SALL3: variants seen among roughly 807,000 people sequenced by gnomAD.
The protein encoded by SALL3 is sal-like protein 3.
A neutral mutation model predicts 66.2 loss-of-function variants in SALL3; 25 were observed. The observed-to-expected ratio is 0.38, with a 90% CI of 0.28 to 0.53. The LOEUF (loss-of-function observed/expected upper bound fraction) is 0.53, where lower values mean the gene tolerates loss of function less well. Among genes scored for constraint, SALL3 ranks in the 20% least tolerant of loss-of-function variants. The pLI is 0.85. For synonymous variants in SALL3, 1,152 were observed against 899.1 expected (o/e 1.28, Z -5.03); for missense variants, 2,194 against 1,916.5 (o/e 1.14, Z -2.70).
At position 78,994,718 on chromosome 18, in the gene SALL3, C is replaced by T; in HGVS notation, c.2727C>T (p.Pro909=). Residue 909 remains proline, a synonymous_variant, in exon 2 of 3, where the codon CCC becomes CCT. Transcript: ENST00000537592. ...CCTCGCAGGCCCTGTCGCCGGCCCC[C>T]AGCAATGGTGAGAGCTTCCGCTCCA... ...SSSSQALSPA[P]SNGESFRSKS... 6.2e-7 allele frequency: 1 copy of T among 1,604,270 alleles called. No individual in the cohort carries two copies. Among genetic ancestry groups the T allele is most frequent in the Non-Finnish European group, 8.5e-7 (1 of 1,179,334 alleles).
At chr18:78,986,795 A>C (rs1914261047) in intron 1 of SALL3, among the ~76,000 whole-genome samples, 1 of 152,236 alleles carries the variant, frequency 6.6e-6, no homozygotes, top group African/African-American at 2.4e-5. Flanking sequence ...AACATGCAGC[A>C]AAAGTGTATT....
Position 78,992,960 on chromosome 18 carries a change from C to A in SALL3, c.969C>A (p.Pro323=), listed in dbSNP as rs1384421628. The change falls in exon 2 of 3, where the codon CCC becomes CCA. Residue 323 remains proline, a synonymous_variant. Coordinates refer to ENST00000537592, the MANE Select transcript of SALL3 (RefSeq NM_171999.4). ...GCGCCGCCCCTGCCCCCGCTGCCCCCGCCCCGGCGCCAGCGCCGCAGAGCG... is the reference window on the plus strand; with the variant it reads ...GCGCCGCCCCTGCCCCCGCTGCCCCAGCCCCGGCGCCAGCGCCGCAGAGCG... The part of the protein sequence containing the change: ...APSAAPAPAA[P]APAPAPQSAA... 5 of 1,181,752 alleles carry A rather than the reference C, an allele frequency of 4.2e-6. No homozygotes were observed. The highest frequency in any genetic ancestry group is 5.2e-6 in the Non-Finnish European group (5 of 956,776). The allele number at this position is 1,181,752 out of a possible 1,614,324, so 73.2% of individuals were successfully genotyped here.
In SALL3 at chr18:78,980,267, C is replaced by G; in HGVS notation, c.-8C>G. 1 of 1,340,284 alleles carries G rather than the reference C, an allele frequency of 7.5e-7. No homozygotes were observed. The allele number at this position is 1,340,284 out of a possible 1,614,324, so 83.0% of individuals were successfully genotyped here. On this transcript the variant is annotated 5_prime_UTR_variant, in exon 1 of 3. Transcript: ENST00000537592. ...TGCCCCGCGCGGGGCCCGAGCGCCG[C>G]TAGCAGCATGTCTCGGCGCAAGCAG...
At position 78,992,482 on chromosome 18, in the gene SALL3, C is replaced by T; in HGVS notation, c.491C>T (p.Thr164Ile). ...PPTPAYGAPS[T>I]NVTLEALLST... Reference sequence around the variant, plus strand: ...ACGCCCGCCTACGGCGCGCCCAGCACCAACGTGACCCTGGAGGCGCTGCTG... The same window carrying T: ...ACGCCCGCCTACGGCGCGCCCAGCATCAACGTGACCCTGGAGGCGCTGCTG... Residue 164 changes from threonine to isoleucine, a missense_variant, in exon 2 of 3, where the codon ACC (threonine) becomes ATC (isoleucine). Thr to Ile is a moderately conservative substitution (Grantham distance 89). Transcript: ENST00000537592. The T allele has an allele frequency of 2.1e-6, 3 of 1,462,452 alleles. No homozygotes were observed. The highest frequency in any genetic ancestry group is 2.7e-6 in the Non-Finnish European group (3 of 1,110,910). 90.6% of individuals were successfully genotyped at this position (1,462,452 alleles called of 1,614,324 possible). A position where few individuals can be genotyped will look rare whatever the true frequency, so the allele number is the denominator to read the frequency against.
chr18:78,980,682 C>CCGCCG (rs1022068183), intron 1 of SALL3, among the ~76,000 whole-genome samples: 1 of 151,174 alleles, frequency 6.6e-6, no homozygotes, highest in Non-Finnish European at 1.5e-5. Flanking sequence ...GGTGCCTCCG[C>CCGCCG]CGCCGCGCCG....
intron 1 of SALL3, among the ~76,000 whole-genome samples, chr18:78,989,188 G>T (rs1914344986): frequency 6.6e-6 from 1 of 152,164 alleles, no homozygotes; most frequent in African/African-American, 2.4e-5. Context: ...TCGAGAAACA[G>T]TTGCAATTTA....
rs1914583402 is a variant in SALL3, at chr18:78,994,043, C to T, written c.2052C>T (p.Cys684=). ...KMTDPNQCVI[C]HRVLSCQSAL... ...CGGACCCGAACCAGTGCGTCATCTG[C>T]CACCGGGTGCTGAGCTGCCAGAGCG... The change falls in exon 2 of 3, where the codon TGC becomes TGT. Residue 684 remains cysteine (C), a synonymous_variant. Coordinates refer to ENST00000537592, the MANE Select transcript of SALL3 (RefSeq NM_171999.4). 2.5e-6 allele frequency: 4 copies of T among 1,612,646 alleles called. No individual in the cohort carries two copies. Among genetic ancestry groups the T allele is most frequent in the Admixed American group, 1.7e-5 (1 of 59,988 alleles).
chr18:78,992,428 G>A lies in SALL3; in HGVS notation c.437G>A (p.Arg146Gln). Residue 146 changes from arginine (R) to glutamine (Q), a missense_variant, in exon 2 of 3, where the codon CGG becomes CAG. Physicochemically the swap from Arg to Gln is conservative, Grantham distance 43 (BLOSUM62 1). Coordinates refer to ENST00000537592, the MANE Select transcript of SALL3 (RefSeq NM_171999.4). ...CCCGCGGGGGACACGCGCGCGCCCC[G>A]GCCCCCGCCTGCGGCCCCTGCACCC... ...AEPAGDTRAP[R>Q]PPPAAPAPPT... 3.0e-6 allele frequency: 4 copies of A among 1,348,598 alleles called. No individual in the cohort carries two copies. 83.5% of individuals were successfully genotyped at this position (1,348,598 alleles called of 1,614,324 possible). A position where few individuals can be genotyped will look rare whatever the true frequency, so the allele number is the denominator to read the frequency against.
In SALL3 at chr18:78,994,455, C is replaced by A; in HGVS notation, c.2464C>A (p.Leu822Ile). 6.2e-7 allele frequency: 1 copy of A among 1,612,704 alleles called. No individual in the cohort carries two copies. The highest frequency in any genetic ancestry group is 8.5e-7 in the Non-Finnish European group (1 of 1,179,882). ...KDAATDPAKP[L>I]LSYAGSCPPS... ...CGCGGCCACCGACCCGGCCAAGCCA[C>A]TCCTGTCCTACGCGGGGTCCTGCCC... Residue 822 changes from leucine to isoleucine, a missense_variant, in exon 2 of 3, where the codon CTC becomes ATC. Physicochemically the swap from Leu to Ile is conservative, Grantham distance 5 (BLOSUM62 2). Coordinates refer to ENST00000537592, the MANE Select transcript of SALL3 (RefSeq NM_171999.4).
chr18:78,992,055 C>T lies in SALL3; in HGVS notation c.83-19C>T, dbSNP rs1015506406. On this transcript the variant is annotated intron_variant, in intron 1 of 2. Transcript: ENST00000537592. ...GGCGGGCGCCGAGCCCCGGCTGACT[C>T]ACTCTCTTGGTCTTGCAGCCGCCCC... 7.1e-7 allele frequency: 1 copy of T among 1,417,170 alleles called. No individual in the cohort carries two copies. The allele number at this position is 1,417,170 out of a possible 1,614,324, so 87.8% of individuals were successfully genotyped here.
In SALL3 at chr18:78,980,003, G is replaced by T. The variant is rs1294501416; in HGVS notation, c.-272G>T. Among the ~76,000 whole-genome samples, 1 of 145,568 alleles carries T rather than the reference G, an allele frequency of 6.9e-6. No homozygotes were observed. Among genetic ancestry groups the T allele is most frequent in the Non-Finnish European group, 1.5e-5 (1 of 65,522 alleles). On this transcript the variant is annotated 5_prime_UTR_variant, in exon 1 of 3. Coordinates refer to ENST00000537592, the MANE Select transcript of SALL3 (RefSeq NM_171999.4). Reference sequence around the variant, plus strand: ...GCGCGCCCCGGTCCCGAGGCGCCGCGGCCCCCTCCTCGTCGGCGCGGCCGC... The same window carrying T: ...GCGCGCCCCGGTCCCGAGGCGCCGCTGCCCCCTCCTCGTCGGCGCGGCCGC...
rs763620194 is a variant in SALL3, at chr18:78,992,538, C to A, written c.547C>A (p.Gln183Lys). 5 of 1,496,002 alleles carry A rather than the reference C, an allele frequency of 3.3e-6. No individual in the cohort carries two copies. Among genetic ancestry groups the A allele is most frequent in the African/African-American group, 2.9e-5 (2 of 68,656 alleles). The allele number at this position is 1,496,002 out of a possible 1,614,324, so 92.7% of individuals were successfully genotyped here. Residue 183 changes from glutamine to lysine, a missense_variant, in exon 2 of 3, where the codon CAG becomes AAG. Physicochemically the swap from Gln to Lys is moderately conservative, Grantham distance 53. Transcript: ENST00000537592. ...STKVAVAQFS[Q>K]GARAAGGSGA... Reference sequence around the variant, plus strand: ...CAAGGTGGCGGTGGCGCAGTTCTCGCAGGGCGCGCGCGCGGCAGGCGGCTC... The same window carrying A: ...CAAGGTGGCGGTGGCGCAGTTCTCGAAGGGCGCGCGCGCGGCAGGCGGCTC...
In SALL3 at chr18:78,994,394, C is replaced by A; in HGVS notation, c.2403C>A (p.Asp801Glu). The change falls in exon 2 of 3, where the codon GAC (aspartate) becomes GAA (glutamate). Residue 801 changes from aspartate to glutamate, a missense_variant. Transcript: ENST00000537592. ...TGAGCAGCTACGATGACGACATGGA[C>A]GAGAACTCCATGGAGGACGACGCTG... ...ETLSSYDDDM[D>E]ENSMEDDAEL... The A allele has an allele frequency of 6.2e-7, 1 of 1,613,184 alleles. No individual in the cohort carries two copies. The highest frequency in any genetic ancestry group is 2.2e-5 in the East Asian group (1 of 44,870).
At position 78,994,617 on chromosome 18, in the gene SALL3, A is replaced by C; in HGVS notation, c.2626A>C (p.Ser876Arg). 1.2e-6 allele frequency: 2 copies of C among 1,609,096 alleles called. No homozygotes were observed. The highest frequency in any genetic ancestry group is 2.2e-5 in the East Asian group (1 of 44,742). The change falls in exon 2 of 3, where the codon AGC becomes CGC. Residue 876 changes from serine (S) to arginine (R), a missense_variant. Ser to Arg is a moderately radical substitution (Grantham distance 110, BLOSUM62 -1). Transcript: ENST00000537592. Reference protein sequence around the residue: ...ENGSGESDRLSNDSSSAVGDL... With the variant: ...ENGSGESDRLRNDSSSAVGDL... The stretch of plus-strand genomic sequence containing the variant: ...CGGGTCCGGGGAGAGTGACCGCCTG[A>C]GCAACGACTCCTCGTCGGCCGTGGG...
chr18:78,980,436 A>T lies in SALL3; in HGVS notation c.82+80A>T, dbSNP rs976164945. 2.4e-5 allele frequency: 21 copies of T among 871,960 alleles called. No homozygotes were observed. In the African/African-American group the frequency reaches 3.6e-4, roughly 15 times the overall value. The allele number at this position is 871,960 out of a possible 1,614,324, so 54.0% of individuals were successfully genotyped here. A position where few individuals can be genotyped will look rare whatever the true frequency, so the allele number is the denominator to read the frequency against. ...GGGGAAGCGCGTGCGGCGGGAGCGGATGCGCGCGTCCGGGAGCGGGAGAAA... is the reference window on the plus strand; with the variant it reads ...GGGGAAGCGCGTGCGGCGGGAGCGGTTGCGCGCGTCCGGGAGCGGGAGAAA... On this transcript the variant is annotated intron_variant, in intron 1 of 2. Coordinates refer to ENST00000537592, the MANE Select transcript of SALL3 (RefSeq NM_171999.4).
At chr18:78,983,977 G>C (rs1914157396) in intron 1 of SALL3, among the ~76,000 whole-genome samples, 1 of 151,902 alleles carries the variant, frequency 6.6e-6, no homozygotes, top group Non-Finnish European at 1.5e-5. Flanking sequence ...GAGAGAGAGA[G>C]CTGATTATGT....
rs748672457 is a variant in SALL3 at position 78,992,688 on chromosome 18, A to G, written c.697A>G (p.Met233Val). Residue 233 changes from methionine to valine, a missense_variant, in exon 2 of 3, where the codon ATG (methionine) becomes GTG (valine). Physicochemically the swap from Met to Val is conservative, Grantham distance 21 (BLOSUM62 1). Coordinates refer to ENST00000537592, the MANE Select transcript of SALL3 (RefSeq NM_171999.4). ...IEQIRSQVALMQRPPPRPSLS... is the reference protein window; with the variant it reads ...IEQIRSQVALVQRPPPRPSLS... ...GCAGATCCGCAGCCAGGTGGCCCTC[A>G]TGCAGCGCCCGCCGCCGCGGCCCTC... 5.9e-6 allele frequency: 9 copies of G among 1,522,476 alleles called. No homozygotes were observed. In the East Asian group the frequency reaches 2.2e-4, roughly 37 times the overall value. The allele number at this position is 1,522,476 out of a possible 1,614,324, so 94.3% of individuals were successfully genotyped here.
chr18:78,983,515 G>GT (rs1914143324), intron 1 of SALL3, among the ~76,000 whole-genome samples: 1 of 151,962 alleles, frequency 6.6e-6, no homozygotes, highest in South Asian at 2.1e-4. Flanking sequence ...GCTTCAAAGT[G>GT]TGTTTTTTTT....
At position 78,980,180 on chromosome 18, in the gene SALL3, CCGCGCCG is replaced by C. The variant is rs1017656641; in HGVS notation, c.-88_-82del. The stretch of plus-strand genomic sequence containing the variant: ...CGCGCAGCCGCCGCCGCCCCGCGCC[CCGCGCCG>C]CGCGCCCGCCAGGCCGCCCCGCGCC... On this transcript the variant is annotated 5_prime_UTR_variant, in exon 1 of 3. An upstream open reading frame in the 5' UTR gains an earlier in-frame stop. Transcript: ENST00000537592. 6 of 373,738 alleles carry C rather than the reference CCGCGCCG, an allele frequency of 1.6e-5. No homozygotes were observed. The highest frequency in any genetic ancestry group is 1.0e-4 in the South Asian group (1 of 9,654). 23.2% of individuals were successfully genotyped at this position (373,738 alleles called of 1,614,324 possible).
Sources: gnomAD v4.1 joint callset for allele counts (sites outside exome capture counted in the v4.1 genomes callset) on GRCh38, gnomAD v4.1.1 for gene constraint, MANE v1.5 for transcripts, NCBI Gene and HGNC (gene_info 2026-07-23, HGNC 2026-07-21) for gene names.